The following DYNLRB1 variants were observed in gnomAD, a reference collection of about 807,000 sequenced individuals.
The protein encoded by DYNLRB1 is dynein light chain roadblock-type 1.
DYNLRB1 carries 6 observed loss-of-function variants against 13.5 expected under a neutral mutation model. The ratio of observed to expected loss-of-function variants is 0.44; its 90% confidence interval spans 0.24 to 0.88. The LOEUF (loss-of-function observed/expected upper bound fraction) is 0.88. DYNLRB1 is among the 40% of genes least tolerant of loss of function. DYNLRB1 has a pLI of 0.21. For synonymous variants in DYNLRB1, 43 were observed against 45.0 expected (o/e 0.96, Z 0.18); for missense variants, 93 against 127.2 (o/e 0.73, Z 1.29).
At chr20:34,540,347 T>G (rs899678874) in intron 3 of DYNLRB1, among the ~76,000 whole-genome samples, 7 of 152,208 alleles carry the variant, frequency 4.6e-5, no homozygotes, top group Non-Finnish European at 1.0e-4. Context: ...GACGACACAC[T>G]GTAGAGTGCC....
At chr20:34,535,593 G>A (rs957444632) in intron 3 of DYNLRB1, 6 of 971,748 alleles carry the variant, frequency 6.2e-6, no homozygotes, top group South Asian at 4.8e-5. Context: ...CTCCAGGGCC[G>A]TCTTTGCATT....
chr20:34,524,329 A>G (rs1394339852), intron 1 of DYNLRB1, among the ~76,000 whole-genome samples: 3 of 152,180 alleles, frequency 2.0e-5, no homozygotes, highest in Non-Finnish European at 4.4e-5. Context: ...TTGTGATGGT[A>G]TAACATGGTC....
At chr20:34,516,879 A>G (rs1018801672) in intron 1 of DYNLRB1, 2 of 1,513,708 alleles carry the variant, frequency 1.3e-6, no homozygotes, top group Non-Finnish European at 1.8e-6. Flanking sequence ...TCTGTGAGGT[A>G]GATACAATCT....
Position 34,533,440 on chromosome 20 carries a change from TA to T in DYNLRB1, c.80-1187del, listed in dbSNP as rs200037079. On this transcript the variant is annotated intron_variant, in intron 2 of 3. Coordinates refer to ENST00000357156, the MANE Select transcript of DYNLRB1 (RefSeq NM_014183.4). Reference sequence around the variant, plus strand: ...CACGGCCATGTGGACAGTGTGTTTATAGCTGCTACCCAAGCCTCCCTTGGGT... The same window carrying T: ...CACGGCCATGTGGACAGTGTGTTTATGCTGCTACCCAAGCCTCCCTTGGGT... The T allele has an allele frequency of 8.1e-4, 802 of 984,486 alleles. 5 individuals are homozygous for T. In the African/African-American group the frequency reaches 0.013, roughly 16 times the overall value. 61.0% of individuals were successfully genotyped at this position (984,486 alleles called of 1,614,324 possible). A position where few individuals can be genotyped will look rare whatever the true frequency, so the allele number is the denominator to read the frequency against.
intron 2 of DYNLRB1, among the ~76,000 whole-genome samples, chr20:34,527,679 C>T (rs1258966345): frequency 1.3e-5 from 2 of 152,182 alleles, no homozygotes; most frequent in Admixed American, 6.5e-5. Flanking sequence ...TGTGTGTTTA[C>T]GAAGCACCCC....
intron 3 of DYNLRB1, chr20:34,535,385 G>A (rs117063600): frequency 1.0e-5 from 10 of 982,828 alleles, no homozygotes; most frequent in African/African-American, 5.2e-5. Flanking sequence ...TTTCCTTTAC[G>A]CGAGGTGCTT....
At chr20:34,530,472 G>A (rs1980624047) in intron 2 of DYNLRB1, 1 of 177,582 alleles carries the variant, frequency 5.6e-6, no homozygotes. Context: ...GCCTATGAAT[G>A]TCTCAGTTAG....
At chr20:34,539,270 A>G (rs1981404256) in intron 3 of DYNLRB1, among the ~76,000 whole-genome samples, 1 of 152,200 alleles carries the variant, frequency 6.6e-6, no homozygotes, top group African/African-American at 2.4e-5. Flanking sequence ...AATGGTGGAC[A>G]TTCCTCCTTA....
chr20:34,521,994 A>G (rs1054866504), intron 1 of DYNLRB1, among the ~76,000 whole-genome samples: 7 of 152,062 alleles, frequency 4.6e-5, no homozygotes. Context: ...GCCATGATCG[A>G]ACCATGGCAC....
chr20:34,529,827 A>G, intron 2 of DYNLRB1: 1 of 1,484,762 alleles, frequency 6.7e-7, no homozygotes, highest in Non-Finnish European at 9.0e-7. Flanking sequence ...GTTCTGATTA[A>G]ACCATGTGGT....
intron 1 of DYNLRB1, among the ~76,000 whole-genome samples, chr20:34,525,919 A>G (rs1337405400): frequency 6.6e-6 from 1 of 152,232 alleles, no homozygotes; most frequent in Non-Finnish European, 1.5e-5. Context: ...AAATCAACAG[A>G]GTCCCATCCC....
intron 3 of DYNLRB1, among the ~76,000 whole-genome samples, chr20:34,539,106 GCCACTGATAAAAATA>G: frequency 6.6e-6 from 1 of 152,308 alleles, no homozygotes; most frequent in Non-Finnish European, 1.5e-5. Context: ...TAATTAACAA[GCCACTGATAAAAATA>G]GGCACAATCG....
chr20:34,540,698 G>A lies in DYNLRB1; in HGVS notation c.*74G>A, dbSNP rs553566984. ...GAATGTTAATGTCAATCATGTCAGT[G>A]GACTAGCACATGGCAGTCGCTTGGA... On this transcript the variant is annotated 3_prime_UTR_variant, in exon 4 of 4. Coordinates refer to ENST00000357156, the MANE Select transcript of DYNLRB1 (RefSeq NM_014183.4). 2.7e-5 allele frequency: 41 copies of A among 1,499,988 alleles called. No individual in the cohort carries two copies. Among genetic ancestry groups the A allele is most frequent in the Admixed American group, 2.6e-4 (15 of 57,932 alleles). 92.9% of individuals were successfully genotyped at this position (1,499,988 alleles called of 1,614,324 possible). A position where few individuals can be genotyped will look rare whatever the true frequency, so the allele number is the denominator to read the frequency against.
chr20:34,527,772 A>G (rs1001116100), intron 2 of DYNLRB1, among the ~76,000 whole-genome samples: 2 of 152,202 alleles, frequency 1.3e-5, no homozygotes, highest in Non-Finnish European at 2.9e-5. Context: ...AGTGAGAGCC[A>G]CAGGCCTAAG....
intron 1 of DYNLRB1, chr20:34,516,716 T>C (rs1376277894): frequency 6.5e-7 from 1 of 1,534,644 alleles, no homozygotes; most frequent in South Asian, 1.2e-5. Flanking sequence ...CAGGAAGAGA[T>C]GATGGGCGAG....
chr20:34,533,451 C>A (rs1980866954), intron 2 of DYNLRB1: 9 of 985,268 alleles, frequency 9.1e-6, no homozygotes, highest in Non-Finnish European at 1.1e-5. Flanking sequence ...AGCTGCTACC[C>A]AAGCCTCCCT....
At chr20:34,516,164 G>T (rs1979146542), upstream of DYNLRB1, among the ~76,000 whole-genome samples, 1 of 152,228 alleles carries the variant, frequency 6.6e-6, no homozygotes, top group African/African-American at 2.4e-5. Flanking sequence ...CAAAGTGCTG[G>T]AATTACAGGC....
At chr20:34,536,613 C>T (rs888968277) in intron 3 of DYNLRB1, 3 of 338,332 alleles carry the variant, frequency 8.9e-6, no homozygotes, top group East Asian at 3.3e-4. Flanking sequence ...GGCATGGTGG[C>T]GCACACCTGT....
intron 1 of DYNLRB1, among the ~76,000 whole-genome samples, chr20:34,520,521 A>G (rs1250397184): frequency 3.3e-5 from 5 of 152,182 alleles, no homozygotes; most frequent in Non-Finnish European, 7.3e-5. Context: ...ATCTCAGCTC[A>G]CTGCAACCTC....
Sources: allele counts gnomAD v4.1 joint callset (sites outside exome capture counted in the v4.1 genomes callset), GRCh38; gene constraint gnomAD v4.1.1; transcripts MANE v1.5; gene names NCBI Gene and HGNC (gene_info 2026-07-23, HGNC 2026-07-21).